The following SLC5A1 variants were observed in gnomAD, a reference collection of about 807,000 sequenced individuals.
SLC5A1 encodes the protein sodium/glucose cotransporter 1.
Under a neutral mutation model 73.5 loss-of-function variants are expected in SLC5A1, and 42 were observed. The ratio of observed to expected loss-of-function variants is 0.57; its 90% CI spans 0.45 to 0.74. The LOEUF (loss-of-function observed/expected upper bound fraction) is 0.74, where lower values mean the gene tolerates loss of function less well. Ranked by LOEUF, SLC5A1 falls within the 30% of genes least tolerant of loss-of-function variation. SLC5A1 has a pLI of 0.00. For missense variants in SLC5A1, 634 were observed against 855.4 expected (o/e 0.74, Z 3.23); for synonymous variants, 300 against 317.4 (o/e 0.95, Z 0.58).
chr22:32,107,394 T>C (rs1384209826), intron 14 of SLC5A1, among the ~76,000 whole-genome samples: 1 of 152,214 alleles, frequency 6.6e-6, no homozygotes, highest in Non-Finnish European at 1.5e-5. Flanking sequence ...GGAGGCAAGA[T>C]AGTGCAGAGA....
intron 4 of SLC5A1, 60 bp downstream of exon 4, chr22:32,068,086 T>C (rs932550750): frequency 6.6e-7 from 1 of 1,512,116 alleles, no homozygotes; most frequent in African/African-American, 1.4e-5. Flanking sequence ...AGCTTGGTCT[T>C]CCTAGAGGGC....
chr22:32,099,301 A>G lies in SLC5A1; in HGVS notation c.1399A>G (p.Ile467Val), dbSNP rs1223944827. The G allele has an allele frequency of 1.2e-6, 2 of 1,613,468 alleles. No individual in the cohort carries two copies. The highest frequency in any genetic ancestry group is 1.7e-6 in the Non-Finnish European group (2 of 1,179,814). ...QSITSYLGPPIAAVFLLAIFW... is the reference protein window; with the variant it reads ...QSITSYLGPPVAAVFLLAIFW... ...CATCACCAGTTACTTGGGACCACCCATTGCGGCTGTCTTCCTGCTTGCTAT... is the reference window on the plus strand; with the variant it reads ...CATCACCAGTTACTTGGGACCACCCGTTGCGGCTGTCTTCCTGCTTGCTAT... Residue 467 changes from isoleucine (I) to valine (V), a missense_variant, in exon 12 of 15, where the codon ATT becomes GTT. By Grantham distance (29) the Ile-to-Val change is conservative. This residue lies in a region of SLC5A1 where 422 missense variants were observed against 626.1 expected (regional missense o/e 0.67). Coordinates refer to ENST00000266088, the MANE Select transcript of SLC5A1 (RefSeq NM_000343.4).
chr22:32,075,413 T>C (rs553542451), intron 5 of SLC5A1, among the ~76,000 whole-genome samples: 2 of 152,132 alleles, frequency 1.3e-5, no homozygotes, highest in African/African-American at 4.8e-5. Context: ...GGATAGATCA[T>C]GTGGTCTTAT....
Position 32,061,414 on chromosome 22 carries a change from T to TA in SLC5A1, c.208-5508dup, listed in dbSNP as rs749487888. ...TGGGTGACAGAGCGAGACTCTGTCT[T>TA]AAAAAAAAAAAAAGTCAGTAGGGAG... On this transcript the variant is annotated intron_variant, in intron 2 of 14. Transcript: ENST00000266088. Among the ~76,000 whole-genome samples, 699 of 144,116 alleles carry TA rather than the reference T, an allele frequency of 4.9e-3. 9 individuals are homozygous for TA. Among genetic ancestry groups the TA allele is most frequent in the African/African-American group, 0.015 (607 of 39,474 alleles). 94.5% of individuals were successfully genotyped at this position (144,116 alleles called of 152,430 possible).
In SLC5A1 at chr22:32,067,970, C is replaced by G. The variant is rs758097027; in HGVS notation, c.316C>G (p.Leu106Val). 3 of 1,614,146 alleles carry G rather than the reference C, an allele frequency of 1.9e-6. No individual in the cohort carries two copies. Among genetic ancestry groups the G allele is most frequent in the Non-Finnish European group, 2.5e-6 (3 of 1,180,020 alleles). The change falls in exon 4 of 15, where the codon CTG becomes GTG. Residue 106 changes from leucine (L) to valine (V), a missense_variant. Physicochemically the swap from Leu to Val is conservative, Grantham distance 32 (BLOSUM62 1). Around this residue, in one of 3 missense-constraint regions of SLC5A1, gnomAD observed 422 missense variants for 626.1 expected, o/e 0.67. Coordinates refer to ENST00000266088, the MANE Select transcript of SLC5A1 (RefSeq NM_000343.4). ...IAIGGFEWNA[L>V]VLVVVLGWLF... Reference sequence around the variant, plus strand: ...CCACCTTTTGTGTTCATTTCAGGCCCTGGTTTTGGTGGTTGTGCTGGGCTG... The same window carrying G: ...CCACCTTTTGTGTTCATTTCAGGCCGTGGTTTTGGTGGTTGTGCTGGGCTG...
chr22:32,084,086 C>T (rs371902035), intron 7 of SLC5A1, among the ~76,000 whole-genome samples: 4 of 152,214 alleles, frequency 2.6e-5, no homozygotes, highest in South Asian at 2.1e-4. Flanking sequence ...CCATGGCTGA[C>T]AGCAGAGGGT....
intron 14 of SLC5A1, among the ~76,000 whole-genome samples, chr22:32,106,560 T>C (rs761891959): frequency 1.3e-5 from 2 of 152,224 alleles, no homozygotes; most frequent in Non-Finnish European, 2.9e-5. Context: ...ACCAAAGCTA[T>C]GGCCAGTTCT....
At chr22:32,051,300 A>T (rs2093944842) in intron 2 of SLC5A1, among the ~76,000 whole-genome samples, 2 of 152,138 alleles carry the variant, frequency 1.3e-5, no homozygotes, top group Admixed American at 1.3e-4. Context: ...AGTCTCTGAG[A>T]GTCTCCTCTA....
chr22:32,061,348 G>A (rs1335862907), intron 2 of SLC5A1, among the ~76,000 whole-genome samples: 2 of 152,206 alleles, frequency 1.3e-5, no homozygotes, highest in African/African-American at 4.8e-5. Flanking sequence ...CTGGGACGGG[G>A]AGGTTGCAGT....
At chr22:32,065,961 T>TA (rs1313516772) in intron 2 of SLC5A1, among the ~76,000 whole-genome samples, 1 of 152,248 alleles carries the variant, frequency 6.6e-6, no homozygotes, top group African/African-American at 2.4e-5. Context: ...TGGGGATAAT[T>TA]ACACTTGTTT....
intron 8 of SLC5A1, 34 bp from the exon 9 acceptor site, chr22:32,084,866 C>G (rs1427421681): frequency 6.2e-7 from 1 of 1,613,342 alleles, no homozygotes; most frequent in African/African-American, 1.3e-5. Flanking sequence ...GGTCTCTGGT[C>G]TGCACACCTC....
intron 2 of SLC5A1, 143 bp from the exon 3 acceptor site, chr22:32,066,792 A>T (rs956032509): frequency 1.5e-6 from 1 of 681,140 alleles, no homozygotes; most frequent in Admixed American, 2.1e-5. Context: ...GCTGTCCCTG[A>T]TGATTCCAGC....
At position 32,110,404 on chromosome 22, in the gene SLC5A1, T is replaced by A. The variant is rs1383483510; in HGVS notation, c.*191T>A. The stretch of plus-strand genomic sequence containing the variant: ...TGTTAATTTATGCATTTGAAGCCAG[T>A]GTGATACAGCCATCTGTACCTACTG... On this transcript the variant is annotated 3_prime_UTR_variant, in exon 15 of 15. Transcript: ENST00000266088. 6.2e-6 allele frequency: 4 copies of A among 643,388 alleles called. No homozygotes were observed. Among genetic ancestry groups the A allele is most frequent in the Admixed American group, 2.2e-5 (1 of 46,494 alleles). 39.9% of individuals were successfully genotyped at this position (643,388 alleles called of 1,614,324 possible).
At chr22:32,090,645 G>C (rs1170945740) in intron 10 of SLC5A1, among the ~76,000 whole-genome samples, 1 of 151,290 alleles carries the variant, frequency 6.6e-6, no homozygotes. Flanking sequence ...ATGAGTTTTT[G>C]AGTGGACATA....
At chr22:32,092,100 C>T (rs1569313851) in intron 11 of SLC5A1, among the ~76,000 whole-genome samples, 1 of 152,082 alleles carries the variant, frequency 6.6e-6, no homozygotes, top group Non-Finnish European at 1.5e-5. Context: ...CGCCCCCCTC[C>T]CACCCGTTTC....
chr22:32,098,320 C>T (rs982608318), intron 11 of SLC5A1, among the ~76,000 whole-genome samples: 1 of 152,210 alleles, frequency 6.6e-6, no homozygotes, highest in Admixed American at 6.5e-5. Flanking sequence ...ATTGAGGTCA[C>T]TGGTGTGTAT....
At chr22:32,085,417 C>A (rs536078948) in intron 9 of SLC5A1, among the ~76,000 whole-genome samples, 3 of 152,094 alleles carry the variant, frequency 2.0e-5, no homozygotes, top group Admixed American at 6.5e-5. Context: ...TAAGCCACCA[C>A]GCCTGGCCCT....
chr22:32,083,025 A>T, intron 6 of SLC5A1, 49 bp from the exon 7 acceptor site: 1 of 1,535,536 alleles, frequency 6.5e-7, no homozygotes, highest in Non-Finnish European at 9.0e-7. Context: ...GCAAGTAGAC[A>T]GGTCACCCTC....
At chr22:32,078,071 A>G (rs2093993862) in intron 5 of SLC5A1, among the ~76,000 whole-genome samples, 1 of 152,134 alleles carries the variant, frequency 6.6e-6, no homozygotes, top group African/African-American at 2.4e-5. Context: ...CCCCACCCCT[A>G]CCATCAAATT....
Sources: gnomAD v4.1 joint callset for allele counts (sites outside exome capture counted in the v4.1 genomes callset) on GRCh38, gnomAD v4.1.1 for gene constraint, gnomAD v4.1.1 regional missense constraint, MANE v1.5 for transcripts, NCBI Gene and HGNC (gene_info 2026-07-23, HGNC 2026-07-21) for gene names.